GLT8D2: variants seen among roughly 807,000 people sequenced by gnomAD.
The protein encoded by GLT8D2 is glycosyltransferase 8 domain containing 2, also known as glycosyltransferase 8 domain-containing protein 2.
GLT8D2 carries 45 observed loss-of-function variants against 44.5 expected under a neutral mutation model. That is an observed-to-expected ratio of 1.01 (90% CI 0.80 to 1.30). The LOEUF (loss-of-function observed/expected upper bound fraction) is 1.30. Among genes scored for constraint, GLT8D2 ranks in the 50% most tolerant of loss-of-function variants. The pLI is 0.00. For missense variants in GLT8D2, 400 were observed against 430.4 expected, an observed-to-expected ratio of 0.93 and a Z score of 0.62; for synonymous variants, 156 against 157.2, an observed-to-expected ratio of 0.99 and a Z score of 0.06.
At chr12:103,997,305 C>T in intron 7 of GLT8D2, 146 bp downstream of exon 7, 1 of 665,500 alleles carries the variant, frequency 1.5e-6, no homozygotes, top group Non-Finnish European at 2.7e-6. Flanking sequence ...CAAAATACTT[C>T]CACATTTACA....
chr12:104,011,192 T>C (rs1875786269), intron 4 of GLT8D2, among the ~76,000 whole-genome samples: 1 of 152,248 alleles, frequency 6.6e-6, no homozygotes, highest in Admixed American at 6.5e-5. Flanking sequence ...TGTACCTTCT[T>C]CATCAATGCT....
At chr12:104,029,507 TAGAAAG>T (rs925368239) in intron 1 of GLT8D2, among the ~76,000 whole-genome samples, 10 of 152,146 alleles carry the variant, frequency 6.6e-5, no homozygotes, top group Non-Finnish European at 1.3e-4. Flanking sequence ...TGTTTGTGTG[TAGAAAG>T]AGAGAGAGTG....
chr12:104,039,078 A>C (rs890827640), intron 1 of GLT8D2, among the ~76,000 whole-genome samples: 1 of 152,208 alleles, frequency 6.6e-6, no homozygotes, highest in African/African-American at 2.4e-5. Context: ...GTGATGGGAA[A>C]ACTGGCTAGC....
At chr12:104,008,738 G>A (rs1397112912) in intron 4 of GLT8D2, among the ~76,000 whole-genome samples, 1 of 152,218 alleles carries the variant, frequency 6.6e-6, no homozygotes, top group Non-Finnish European at 1.5e-5. Flanking sequence ...TTTGTGGTCT[G>A]GGCCCAGGGT....
At chr12:104,023,037 G>C (rs1042548532) in intron 1 of GLT8D2, among the ~76,000 whole-genome samples, 3 of 152,170 alleles carry the variant, frequency 2.0e-5, no homozygotes, top group Admixed American at 1.3e-4. Context: ...TTTCTGCCAA[G>C]GTATTTGATA....
chr12:104,016,835 AAAG>A (rs1566199829), intron 3 of GLT8D2, among the ~76,000 whole-genome samples: 12 of 132,130 alleles, frequency 9.1e-5, no homozygotes, highest in African/African-American at 2.4e-4. Flanking sequence ...GAAAAGAAAG[AAAG>A]AAAGAAAGAA....
At chr12:104,003,978 C>A (rs890477775) in intron 4 of GLT8D2, among the ~76,000 whole-genome samples, 2 of 151,996 alleles carry the variant, frequency 1.3e-5, no homozygotes, top group Non-Finnish European at 2.9e-5. Flanking sequence ...CAAAAATCCT[C>A]AAAAAAATAC....
chr12:104,044,017 G>T lies in GLT8D2; in HGVS notation c.-164+5878C>A, dbSNP rs371736523. On this transcript the variant is annotated intron_variant, in intron 1 of 10. Coordinates refer to ENST00000360814, the MANE Select transcript of GLT8D2 (RefSeq NM_001384711.1). ...GAATGAACCTGTGAAAATAGGAGTCGCATTGTGCTGTGCTCTGTTCAAAAC... is the reference window on the plus strand; with the variant it reads ...GAATGAACCTGTGAAAATAGGAGTCTCATTGTGCTGTGCTCTGTTCAAAAC... Among the ~76,000 whole-genome samples, 9 of 152,282 alleles carry T rather than the reference G, an allele frequency of 5.9e-5. No homozygotes were observed. The East Asian group carries it at 1.2e-3, about 20-fold the overall frequency.
chr12:104,005,851 A>G (rs1374340731), intron 4 of GLT8D2, among the ~76,000 whole-genome samples: 1 of 152,222 alleles, frequency 6.6e-6, no homozygotes, highest in Non-Finnish European at 1.5e-5. Flanking sequence ...TAGAACTAGA[A>G]ATACCATTTG....
chr12:104,015,186 T>G (rs940884608), intron 3 of GLT8D2, 81 bp from the exon 4 acceptor site: 18 of 986,028 alleles, frequency 1.8e-5, no homozygotes, highest in African/African-American at 8.0e-5. Flanking sequence ...GTAGTGCGAG[T>G]AGGTGCCTTC....
In GLT8D2 at chr12:104,019,663, A is replaced by G. The variant is rs1395913900; in HGVS notation, c.-15T>C. On this transcript the variant is annotated 5_prime_UTR_variant, in exon 3 of 11. Transcript: ENST00000360814. The stretch of plus-strand genomic sequence containing the variant: ...AACAGAGCCATGTGTATTCACGCGG[A>G]TAAGAACTGTAACCTGTGGATTAAA... 2 of 1,607,652 alleles carry G rather than the reference A, an allele frequency of 1.2e-6. No individual in the cohort carries two copies. Among genetic ancestry groups the G allele is most frequent in the Non-Finnish European group, 1.7e-6 (2 of 1,175,648 alleles).
intron 1 of GLT8D2, among the ~76,000 whole-genome samples, chr12:104,046,568 A>C (rs1881173069): frequency 6.6e-6 from 1 of 152,250 alleles, no homozygotes; most frequent in Non-Finnish European, 1.5e-5. Context: ...AACTGACATA[A>C]GCTCTGTGAG....
At chr12:104,026,003 G>T (rs865783453) in intron 1 of GLT8D2, among the ~76,000 whole-genome samples, 1 of 152,268 alleles carries the variant, frequency 6.6e-6, no homozygotes, top group African/African-American at 2.4e-5. Flanking sequence ...ATGTGGCCAG[G>T]TATGGTGGCT....
chr12:104,035,838 G>A (rs191610742), intron 1 of GLT8D2, among the ~76,000 whole-genome samples: 3 of 152,240 alleles, frequency 2.0e-5, no homozygotes, highest in East Asian at 1.9e-4. Flanking sequence ...GATATTCCTC[G>A]AGAGGAGCAA....
At chr12:104,012,365 T>G (rs1170102358) in intron 4 of GLT8D2, among the ~76,000 whole-genome samples, 6 of 152,214 alleles carry the variant, frequency 3.9e-5, no homozygotes, top group African/African-American at 1.4e-4. Context: ...TTTAAAAAAT[T>G]TTAACACTGA....
chr12:104,021,644 G>A (rs554461995), intron 1 of GLT8D2, among the ~76,000 whole-genome samples, 153 bp from the exon 2 acceptor site: 142 of 151,594 alleles, frequency 9.4e-4, no homozygotes, highest in Non-Finnish European at 1.7e-3. Context: ...ACAAAAATTA[G>A]CAGGCATCAT....
intron 3 of GLT8D2, among the ~76,000 whole-genome samples, chr12:104,016,874 GAAAGA>G (rs1876924006): frequency 6.8e-6 from 1 of 147,194 alleles, no homozygotes; most frequent in African/African-American, 2.6e-5. Context: ...AAGAAAGAAA[GAAAGA>G]AAGAAAAATA....
chr12:104,003,489 G>A (rs1309512614), intron 4 of GLT8D2, among the ~76,000 whole-genome samples, 183 bp from the exon 5 acceptor site: 2 of 151,910 alleles, frequency 1.3e-5, no homozygotes, highest in African/African-American at 2.4e-5. Flanking sequence ...CTGGTACATA[G>A]CCAACCACAA....
chr12:103,989,853 A>T (rs1872499325), intron 10 of GLT8D2, among the ~76,000 whole-genome samples: 5 of 151,932 alleles, frequency 3.3e-5, no homozygotes, highest in Admixed American at 3.3e-4. Context: ...TTTAAAAAAA[A>T]ATTATTTTGT....
Sources: gnomAD v4.1 joint callset for allele counts (sites outside exome capture counted in the v4.1 genomes callset) on GRCh38, gnomAD v4.1.1 for gene constraint, MANE v1.5 for transcripts, NCBI Gene and HGNC (gene_info 2026-07-23, HGNC 2026-07-21) for gene names.